Variants in YWHAE observed in about 807,000 individuals in gnomAD.
YWHAE encodes tyrosine 3-monooxygenase/tryptophan 5-monooxygenase activation protein epsilon, also known as 14-3-3 protein epsilon.
YWHAE carries 4 observed loss-of-function variants against 30.1 expected under a neutral mutation model. The ratio of observed to expected loss-of-function variants is 0.13; its 90% CI spans 0.07 to 0.30. YWHAE has a LOEUF of 0.30. Ranked by LOEUF, YWHAE falls within the 10% of genes least tolerant of loss-of-function variation. The pLI is 1.00. For missense variants in YWHAE, 121 were observed against 315.9 expected (o/e 0.38, Z 4.68); for synonymous variants, 118 against 111.8 (o/e 1.06, Z -0.35).
intron 1 of YWHAE, among the ~76,000 whole-genome samples, chr17:1,374,055 C>T (rs536073022): frequency 6.6e-6 from 1 of 152,250 alleles, no homozygotes; most frequent in Non-Finnish European, 1.5e-5. Context: ...CGGTGGCTCA[C>T]GCCTACAATC....
intron 1 of YWHAE, among the ~76,000 whole-genome samples, chr17:1,370,869 G>A (rs561762668): frequency 2.4e-4 from 36 of 152,086 alleles, no homozygotes; most frequent in East Asian, 1.2e-3. Flanking sequence ...GCATGGTGGC[G>A]GGCGCCTGTA....
At chr17:1,373,826 A>G (rs186012929) in intron 1 of YWHAE, among the ~76,000 whole-genome samples, 1 of 152,280 alleles carries the variant, frequency 6.6e-6, no homozygotes, top group Non-Finnish European at 1.5e-5. Flanking sequence ...GTATCTGTGA[A>G]GCACAATCAA....
intron 1 of YWHAE, among the ~76,000 whole-genome samples, chr17:1,387,248 G>A (rs1452103356): frequency 1.3e-5 from 2 of 152,084 alleles, no homozygotes; most frequent in South Asian, 2.1e-4. Context: ...CCATCAGAAT[G>A]GGAGATTTCT....
At chr17:1,365,198 TG>T (rs2072923724) in intron 1 of YWHAE, 140 bp from the exon 2 acceptor site, 1 of 1,018,596 alleles carries the variant, frequency 9.8e-7, no homozygotes, top group Admixed American at 2.9e-5. Context: ...AAAACTAATA[TG>T]AGTAAAAAGC....
intron 2 of YWHAE, among the ~76,000 whole-genome samples, chr17:1,363,207 C>G (rs2072890144): frequency 1.3e-5 from 2 of 152,134 alleles, no homozygotes; most frequent in Non-Finnish European, 2.9e-5. Flanking sequence ...TTCAGTTCCT[C>G]TTCTCTTATT....
chr17:1,388,536 A>G lies in YWHAE; in HGVS notation c.64+11511T>C, dbSNP rs111781413. On this transcript the variant is annotated intron_variant, in intron 1 of 5. Coordinates refer to ENST00000264335, the MANE Select transcript of YWHAE (RefSeq NM_006761.5). ...AAGACTCTGTCTCAAAAAAAAAAAA[A>G]GTGCTAGGATTACAGGCATGAGCAA... is the stretch of plus-strand genomic sequence containing the variant. Among the ~76,000 whole-genome samples the G allele has an allele frequency of 6.4e-3, 970 of 150,608 alleles. 15 individuals are homozygous for G. Among genetic ancestry groups the G allele is most frequent in the African/African-American group, 0.016 (638 of 41,034 alleles).
chr17:1,388,101 G>GTTTTTA (rs2073329288), intron 1 of YWHAE, among the ~76,000 whole-genome samples: 1 of 62,358 alleles, frequency 1.6e-5, no homozygotes, highest in Non-Finnish European at 2.8e-5. Flanking sequence ...GGTAATTTTT[G>GTTTTTA]TTTTTTTTTT....
At chr17:1,370,197 G>T (rs968321373) in intron 1 of YWHAE, among the ~76,000 whole-genome samples, 15 of 143,790 alleles carry the variant, frequency 1.0e-4, no homozygotes, top group African/African-American at 4.0e-4. Flanking sequence ...CGTGATCTCG[G>T]CTCACTGCAA....
intron 4 of YWHAE, among the ~76,000 whole-genome samples, 167 bp from the exon 5 acceptor site, chr17:1,354,514 A>G (rs1478621574): frequency 6.6e-6 from 1 of 152,226 alleles, no homozygotes; most frequent in Non-Finnish European, 1.5e-5. Flanking sequence ...GGTATGTGGA[A>G]CACTACTTCT....
intron 1 of YWHAE, among the ~76,000 whole-genome samples, chr17:1,379,531 A>G (rs2073173780): frequency 6.6e-6 from 1 of 152,222 alleles, no homozygotes; most frequent in Admixed American, 6.5e-5. Context: ...GAATGACGAA[A>G]AAAACTATCA....
At chr17:1,362,079 T>A in intron 2 of YWHAE, 71 bp from the exon 3 acceptor site, 1 of 950,562 alleles carries the variant, frequency 1.1e-6, no homozygotes, top group South Asian at 2.2e-5. Context: ...ATATTCTATC[T>A]CTGGTTTTGA....
At chr17:1,375,633 G>C (rs1348651521) in intron 1 of YWHAE, among the ~76,000 whole-genome samples, 1 of 152,170 alleles carries the variant, frequency 6.6e-6, no homozygotes, top group East Asian at 1.9e-4. Context: ...TCGCCACTCT[G>C]AAAAACATAC....
At chr17:1,390,959 A>G (rs2073381055) in intron 1 of YWHAE, among the ~76,000 whole-genome samples, 1 of 152,248 alleles carries the variant, frequency 6.6e-6, no homozygotes, top group African/African-American at 2.4e-5. Context: ...GATATGGGTG[A>G]GCCTTTAAAT....
intron 1 of YWHAE, among the ~76,000 whole-genome samples, chr17:1,387,896 G>A (rs1021587542): frequency 1.4e-5 from 2 of 146,346 alleles, no homozygotes; most frequent in Non-Finnish European, 3.0e-5. Flanking sequence ...AAAGTGCTGG[G>A]ATTACAGGAG....
At position 1,345,465 on chromosome 17, in the gene YWHAE, C is replaced by T. The variant is rs754152426; in HGVS notation, c.750G>A (p.Val250=). The T allele has an allele frequency of 5.6e-6, 9 of 1,613,734 alleles. No individual in the cohort carries two copies. Among genetic ancestry groups the T allele is most frequent in the Non-Finnish European group, 6.8e-6 (8 of 1,179,832 alleles). ...EEQNKEALQD[V]EDENQ ...TTATGTCTCACTGATTTTCGTCTTC[C>T]ACGTCCTGCAGCGCTTCTTTATTCT... is the stretch of plus-strand genomic sequence containing the variant. Residue 250 remains valine, a synonymous_variant, in exon 6 of 6, where the codon GTG becomes GTA. Coordinates refer to ENST00000264335, the MANE Select transcript of YWHAE (RefSeq NM_006761.5).
intron 1 of YWHAE, among the ~76,000 whole-genome samples, chr17:1,391,477 T>C (rs2073388810): frequency 6.6e-6 from 1 of 152,200 alleles, no homozygotes. Flanking sequence ...CCTGCTGTTG[T>C]AGCTGATGAA....
At chr17:1,359,751 G>C (rs745569498) in intron 4 of YWHAE, among the ~76,000 whole-genome samples, 17 of 151,512 alleles carry the variant, frequency 1.1e-4, no homozygotes, top group Middle Eastern at 3.2e-3. Context: ...GGGGTGAAGA[G>C]AAAGTTTTCA....
chr17:1,360,287 G>T (rs2072843165), intron 4 of YWHAE, among the ~76,000 whole-genome samples: 1 of 152,246 alleles, frequency 6.6e-6, no homozygotes, highest in South Asian at 2.1e-4. Flanking sequence ...AAAGTAAAAA[G>T]TTATGTACGT....
chr17:1,372,070 C>CCT (rs2150860642), intron 1 of YWHAE, among the ~76,000 whole-genome samples: 1 of 152,178 alleles, frequency 6.6e-6, no homozygotes, highest in African/African-American at 2.4e-5. Flanking sequence ...AAACTCCTGA[C>CCT]CTCGTGATCC....
Sources: gnomAD v4.1 joint callset for allele counts (sites outside exome capture counted in the v4.1 genomes callset) on GRCh38, gnomAD v4.1.1 for gene constraint, MANE v1.5 for transcripts, NCBI Gene and HGNC (gene_info 2026-07-23, HGNC 2026-07-21) for gene names.